The following SH3BGRL2 variants were observed in gnomAD, a reference collection of about 807,000 sequenced individuals.
The protein encoded by SH3BGRL2 is SH3 domain binding glutamate rich protein like 2, also known as SH3 domain-binding glutamic acid-rich-like protein 2.
SH3BGRL2 carries 21 observed loss-of-function variants against 14.8 expected under a neutral mutation model. That is an observed-to-expected ratio of 1.42 (90% CI 1.01 to 2.05). The LOEUF (loss-of-function observed/expected upper bound fraction) is 2.05, where lower values mean the gene tolerates loss of function less well. Among genes scored for constraint, SH3BGRL2 ranks in the 30% most tolerant of loss-of-function variants. SH3BGRL2 has a pLI of 0.00. For synonymous variants in SH3BGRL2, 50 were observed against 47.8 expected, an observed-to-expected ratio of 1.05 and a Z score of -0.19; for missense variants, 147 against 130.8, an observed-to-expected ratio of 1.12 and a Z score of -0.61.
the SH3BGRL2 span, among the ~76,000 whole-genome samples, chr6:79,557,683 ATAAT>A: frequency 6.6e-6 from 1 of 152,232 alleles, no homozygotes; most frequent in Non-Finnish European, 1.5e-5. Flanking sequence ...AAAGTGCATT[ATAAT>A]TAGTAGTGAA....
intron 2 of SH3BGRL2, among the ~76,000 whole-genome samples, chr6:79,688,065 T>A (rs1770136785): frequency 6.6e-6 from 1 of 152,188 alleles, no homozygotes; most frequent in Admixed American, 6.5e-5. Flanking sequence ...ACAGATAATG[T>A]CCTTAAGTAA....
At chr6:79,616,339 G>A in the SH3BGRL2 span, among the ~76,000 whole-genome samples, 10 of 152,114 alleles carry the variant, frequency 6.6e-5, no homozygotes, top group African/African-American at 1.7e-4. Context: ...TTTTTAATAC[G>A]TGCCCATATG....
rs1769579602 is a variant in SH3BGRL2, at chr6:79,662,810, C to T, written c.46-10804C>T. On this transcript the variant is annotated intron_variant, in intron 1 of 3. Coordinates refer to ENST00000369838, the MANE Select transcript of SH3BGRL2 (RefSeq NM_031469.4). ...ATCAAACGTAGATTTGGTCTTTTCACATAGTCCCATATTTCTTGGAGGCTT... is the reference window on the plus strand; with the variant it reads ...ATCAAACGTAGATTTGGTCTTTTCATATAGTCCCATATTTCTTGGAGGCTT... Among the ~76,000 whole-genome samples, 3 of 152,192 alleles carry T rather than the reference C, an allele frequency of 2.0e-5. 1 individual carries two copies. In the South Asian group the frequency reaches 6.2e-4, roughly 32 times the overall value.
chr6:79,678,000 T>C (rs1372088157), intron 2 of SH3BGRL2, among the ~76,000 whole-genome samples: 2 of 152,212 alleles, frequency 1.3e-5, no homozygotes, highest in Admixed American at 6.5e-5. Flanking sequence ...ATTTGTGCAA[T>C]GCATCAGAAA....
chr6:79,638,799 T>G (rs927958720), intron 1 of SH3BGRL2, among the ~76,000 whole-genome samples: 1 of 152,180 alleles, frequency 6.6e-6, no homozygotes, highest in Non-Finnish European at 1.5e-5. Context: ...GATTATTTAT[T>G]TTTTTGCTGT....
At chr6:79,662,857 T>C (rs570458278) in intron 1 of SH3BGRL2, among the ~76,000 whole-genome samples, 1 of 152,306 alleles carries the variant, frequency 6.6e-6, no homozygotes, top group East Asian at 1.9e-4. Flanking sequence ...TTCTACTCTT[T>C]TTTGTCTAAA....
At chr6:79,605,682 T>C in the SH3BGRL2 span, among the ~76,000 whole-genome samples, 2 of 152,250 alleles carry the variant, frequency 1.3e-5, no homozygotes, top group Non-Finnish European at 2.9e-5. Flanking sequence ...TTATTATCAA[T>C]TGACTGCTAG....
At chr6:79,687,927 A>G (rs1256032582) in intron 2 of SH3BGRL2, among the ~76,000 whole-genome samples, 1 of 152,170 alleles carries the variant, frequency 6.6e-6, no homozygotes, top group Non-Finnish European at 1.5e-5. Flanking sequence ...GTGGGAAGCA[A>G]TACAGCTTAT....
chr6:79,650,221 A>G (rs1372870679), intron 1 of SH3BGRL2, among the ~76,000 whole-genome samples: 1 of 152,154 alleles, frequency 6.6e-6, no homozygotes, highest in Non-Finnish European at 1.5e-5. Context: ...GAGATTTCAG[A>G]AAGATACAAA....
At chr6:79,657,995 A>G (rs1293080795) in intron 1 of SH3BGRL2, among the ~76,000 whole-genome samples, 1 of 152,174 alleles carries the variant, frequency 6.6e-6, no homozygotes, top group Non-Finnish European at 1.5e-5. Flanking sequence ...ATTCAAGTTA[A>G]TAGGAAGAAG....
chr6:79,695,919 G>A (rs1582742237), intron 2 of SH3BGRL2, among the ~76,000 whole-genome samples: 1 of 152,178 alleles, frequency 6.6e-6, no homozygotes, highest in Non-Finnish European at 1.5e-5. Flanking sequence ...TATGTTTGAG[G>A]CAAAGGTAAA....
chr6:79,689,839 A>G (rs1201536392), intron 2 of SH3BGRL2, among the ~76,000 whole-genome samples: 1 of 152,188 alleles, frequency 6.6e-6, no homozygotes, highest in Non-Finnish European at 1.5e-5. Context: ...CATGCACAAT[A>G]TTTTTGTGTT....
chr6:79,652,631 A>C (rs1328910572), intron 1 of SH3BGRL2, among the ~76,000 whole-genome samples: 1 of 152,102 alleles, frequency 6.6e-6, no homozygotes, highest in Non-Finnish European at 1.5e-5. Context: ...CCTGGTACTC[A>C]ATAAATATTT....
At chr6:79,636,205 G>T (rs1032860191) in intron 1 of SH3BGRL2, among the ~76,000 whole-genome samples, 5 of 152,170 alleles carry the variant, frequency 3.3e-5, no homozygotes, top group Non-Finnish European at 7.3e-5. Context: ...TACTCAGGTG[G>T]GGGGACCTTT....
the SH3BGRL2 span, among the ~76,000 whole-genome samples, chr6:79,542,775 T>A: frequency 6.6e-6 from 1 of 152,236 alleles, no homozygotes; most frequent in Non-Finnish European, 1.5e-5. Context: ...TTTTCCTCAC[T>A]GAATATAAAT....
the SH3BGRL2 span, among the ~76,000 whole-genome samples, chr6:79,579,225 G>C: frequency 6.6e-6 from 1 of 152,194 alleles, no homozygotes; most frequent in Admixed American, 6.5e-5. Context: ...AAAACACACT[G>C]CAGGATATTA....
chr6:79,547,894 C>A, the SH3BGRL2 span, among the ~76,000 whole-genome samples: 2 of 152,144 alleles, frequency 1.3e-5, no homozygotes, highest in Admixed American at 1.3e-4. Context: ...GAGACAGAGT[C>A]TCACCCTGTT....
At chr6:79,682,907 G>A (rs1422019802) in intron 2 of SH3BGRL2, among the ~76,000 whole-genome samples, 1 of 152,166 alleles carries the variant, frequency 6.6e-6, no homozygotes, top group Non-Finnish European at 1.5e-5. Flanking sequence ...GCAGGGACAT[G>A]GATGAAGCTG....
chr6:79,627,972 T>C (rs1768762480), upstream of SH3BGRL2, among the ~76,000 whole-genome samples: 1 of 152,148 alleles, frequency 6.6e-6, no homozygotes, highest in South Asian at 2.1e-4. Flanking sequence ...CTAACTGAAA[T>C]TTACCAATTC....
Sources: allele counts gnomAD v4.1 joint callset (sites outside exome capture counted in the v4.1 genomes callset), GRCh38; gene constraint gnomAD v4.1.1; transcripts MANE v1.5; gene names NCBI Gene and HGNC (gene_info 2026-07-23, HGNC 2026-07-21).